The following RIMS1 variants were observed in gnomAD, a reference collection of about 807,000 sequenced individuals.
The protein encoded by RIMS1 is regulating synaptic membrane exocytosis protein 1.
In RIMS1, 83 loss-of-function variants were observed where a neutral mutation model predicts 214.1. The observed-to-expected ratio is 0.39, with a 90% CI of 0.32 to 0.47. The LOEUF is 0.47. Among genes scored for constraint, RIMS1 ranks in the 20% least tolerant of loss-of-function variants. The pLI is 0.99. For missense variants in RIMS1, 2,050 were observed against 2,161.8 expected, an observed-to-expected ratio of 0.95 and a Z score of 1.03; for synonymous variants, 793 against 786.8, an observed-to-expected ratio of 1.01 and a Z score of -0.13.
At chr6:72,366,232 AT>A (rs534499030) in intron 29 of RIMS1, among the ~76,000 whole-genome samples, 2 of 152,352 alleles carry the variant, frequency 1.3e-5, no homozygotes, top group South Asian at 4.1e-4. Context: ...ATAAGTATAT[AT>A]TGAAAGTGAT....
intron 10 of RIMS1, among the ~76,000 whole-genome samples, chr6:72,243,395 C>A (rs1395999402): frequency 1.3e-5 from 2 of 151,698 alleles, no homozygotes; most frequent in African/African-American, 4.8e-5. Flanking sequence ...TAAAGGCAAG[C>A]TTTTAACCAA....
chr6:72,247,810 T>C (rs1011731799), intron 11 of RIMS1, among the ~76,000 whole-genome samples: 7 of 152,140 alleles, frequency 4.6e-5, no homozygotes, highest in Non-Finnish European at 1.0e-4. Flanking sequence ...ATCAATTCTT[T>C]CCAGTTGAAA....
chr6:72,132,263 T>TTG (rs1384013360), intron 4 of RIMS1, among the ~76,000 whole-genome samples: 1 of 152,178 alleles, frequency 6.6e-6, no homozygotes, highest in African/African-American at 2.4e-5. Flanking sequence ...AGTTTAGAGA[T>TTG]TGCAGTAAAG....
At chr6:72,390,799 T>A (rs1380344502) in intron 30 of RIMS1, 63 bp downstream of exon 30, 11 of 1,564,776 alleles carry the variant, frequency 7.0e-6, no homozygotes, top group Non-Finnish European at 9.6e-6. Context: ...ATCAGTAAGA[T>A]AACAAAGCCA....
At chr6:72,335,986 G>C (rs1331135704) in intron 29 of RIMS1, among the ~76,000 whole-genome samples, 2 of 151,694 alleles carry the variant, frequency 1.3e-5, no homozygotes, top group Non-Finnish European at 3.0e-5. Context: ...TTGTCAGATG[G>C]ATAGATTTTA....
chr6:72,169,390 T>C (rs191805828), intron 4 of RIMS1, among the ~76,000 whole-genome samples: 60 of 152,284 alleles, frequency 3.9e-4, no homozygotes, highest in Middle Eastern at 3.4e-3. Flanking sequence ...CCTATTTAAG[T>C]AACAAATGTA....
chr6:72,108,945 G>A (rs1287717111), intron 4 of RIMS1, among the ~76,000 whole-genome samples: 2 of 146,190 alleles, frequency 1.4e-5, no homozygotes, highest in Non-Finnish European at 3.0e-5. Flanking sequence ...GTGAGAAAAT[G>A]CAGTGTCTGG....
At chr6:72,356,398 C>G (rs2097646238) in intron 29 of RIMS1, among the ~76,000 whole-genome samples, 1 of 152,050 alleles carries the variant, frequency 6.6e-6, no homozygotes, top group African/African-American at 2.4e-5. Context: ...TCCAGAAAGA[C>G]AGGGCATAGC....
intron 1 of RIMS1, among the ~76,000 whole-genome samples, chr6:71,907,423 C>A (rs967867345): frequency 6.6e-6 from 1 of 152,014 alleles, no homozygotes; most frequent in African/African-American, 2.4e-5. Flanking sequence ...AATGGCATTC[C>A]TGAGTAAATA....
chr6:72,180,059 GC>G (rs2048209256), intron 5 of RIMS1, 144 bp downstream of exon 5: 1 of 518,002 alleles, frequency 1.9e-6, no homozygotes, highest in Admixed American at 3.5e-5. Flanking sequence ...GGCCTGAGGG[GC>G]GTTGTCTATC....
intron 29 of RIMS1, among the ~76,000 whole-genome samples, chr6:72,348,165 A>C (rs2097329070): frequency 6.6e-6 from 1 of 151,892 alleles, no homozygotes; most frequent in African/African-American, 2.4e-5. Context: ...TATTCTTAGG[A>C]AATAAAAACA....
intron 28 of RIMS1, among the ~76,000 whole-genome samples, chr6:72,318,118 T>C (rs1168058565): frequency 6.6e-6 from 1 of 152,192 alleles, no homozygotes; most frequent in Non-Finnish European, 1.5e-5. Flanking sequence ...CAATGTGTTA[T>C]ACTCACATAA....
intron 4 of RIMS1, among the ~76,000 whole-genome samples, chr6:72,131,241 A>G (rs1365035747): frequency 6.6e-6 from 1 of 152,184 alleles, no homozygotes; most frequent in Non-Finnish European, 1.5e-5. Context: ...GTTTCTCTCT[A>G]AAGATAAAGT....
At chr6:72,200,578 T>C (rs1204236290) in intron 6 of RIMS1, among the ~76,000 whole-genome samples, 2 of 152,190 alleles carry the variant, frequency 1.3e-5, no homozygotes, top group East Asian at 3.9e-4. Flanking sequence ...TCAACAGTTT[T>C]ACCTGGCCTG....
At chr6:71,969,156 C>T in intron 2 of RIMS1, 93 bp downstream of exon 2, 1 of 1,164,848 alleles carries the variant, frequency 8.6e-7, no homozygotes, top group South Asian at 1.2e-5. Context: ...AGAGTAGATA[C>T]TCTGGCTGCT....
At chr6:72,146,366 G>C (rs186573858) in intron 4 of RIMS1, among the ~76,000 whole-genome samples, 5 of 152,234 alleles carry the variant, frequency 3.3e-5, no homozygotes, top group African/African-American at 1.2e-4. Flanking sequence ...CGAAAATCTT[G>C]TTCAAGAGGT....
chr6:72,375,540 A>G (rs1308671336), intron 29 of RIMS1, among the ~76,000 whole-genome samples: 1 of 152,238 alleles, frequency 6.6e-6, no homozygotes, highest in African/African-American at 2.4e-5. Context: ...ATAAATCCAA[A>G]TAAGCCTCCA....
chr6:72,189,316 A>T (rs969483582), intron 6 of RIMS1, among the ~76,000 whole-genome samples: 2 of 152,164 alleles, frequency 1.3e-5, no homozygotes, highest in Non-Finnish European at 2.9e-5. Flanking sequence ...CTGCTTCAGG[A>T]TGATGGGGAA....
intron 4 of RIMS1, among the ~76,000 whole-genome samples, chr6:72,165,764 T>C (rs1196124503): frequency 1.3e-5 from 2 of 152,092 alleles, no homozygotes; most frequent in Admixed American, 1.3e-4. Flanking sequence ...AAAATGCTGC[T>C]AGTAGGGCCA....
Sources: gnomAD v4.1 joint callset for allele counts (sites outside exome capture counted in the v4.1 genomes callset) on GRCh38, gnomAD v4.1.1 for gene constraint, MANE v1.5 for transcripts, NCBI Gene and HGNC (gene_info 2026-07-23, HGNC 2026-07-21) for gene names.